The following MAP2K6 variants were observed in gnomAD, a reference collection of about 807,000 sequenced individuals.
MAP2K6 encodes the protein mitogen-activated protein kinase kinase 6.
A neutral mutation model predicts 53.7 loss-of-function variants in MAP2K6; 16 were observed. That is an observed-to-expected ratio of 0.30 (90% CI 0.20 to 0.45). The LOEUF (loss-of-function observed/expected upper bound fraction) is 0.45. MAP2K6 is among the 20% of genes least tolerant of loss of function. The pLI is 1.00. For synonymous variants in MAP2K6, 132 were observed against 143.1 expected, an observed-to-expected ratio of 0.92 and a Z score of 0.55; for missense variants, 204 against 411.9, an observed-to-expected ratio of 0.50 and a Z score of 4.37.
chr17:69,452,730 G>A (rs79215099), intron 1 of MAP2K6, among the ~76,000 whole-genome samples: 3,423 of 152,270 alleles, frequency 0.022, 129 homozygotes, highest in African/African-American at 0.079. Context: ...CAAAGAAATA[G>A]TAGAACTATG....
At position 69,452,669 on chromosome 17, in the gene MAP2K6, GA is replaced by G. The variant is rs558073818; in HGVS notation, c.16+37670del. ...AAAGCAAGCAAATAATAAGACAGAT[GA>G]GGGGCTCTTACAATAGCCTCTGTTT... is the stretch of plus-strand genomic sequence containing the variant. On this transcript the variant is annotated intron_variant, in intron 1 of 11. Coordinates refer to ENST00000590474, the MANE Select transcript of MAP2K6 (RefSeq NM_002758.4). 3.7e-3 allele frequency among the ~76,000 whole-genome samples: 560 copies of G among 152,284 alleles called. 4 individuals are homozygous for G. Among genetic ancestry groups the G allele is most frequent in the Middle Eastern group, 0.031 (9 of 294 alleles).
chr17:69,541,046 G>C (rs1053154127), intron 11 of MAP2K6, among the ~76,000 whole-genome samples: 1 of 152,116 alleles, frequency 6.6e-6, no homozygotes, highest in Admixed American at 6.5e-5. Flanking sequence ...GGCAGATCAC[G>C]AGGTCAGGAG....
At chr17:69,502,021 C>A in intron 1 of MAP2K6, 1 of 334,558 alleles carries the variant, frequency 3.0e-6, no homozygotes, top group Non-Finnish European at 4.2e-6. Context: ...TGGAAACTGA[C>A]CACATATTGT....
chr17:69,483,727 G>A (rs541276927), intron 1 of MAP2K6, among the ~76,000 whole-genome samples: 27 of 152,186 alleles, frequency 1.8e-4, no homozygotes, highest in East Asian at 1.9e-4. Flanking sequence ...TCAAGACAGC[G>A]TGATGCTGGA....
chr17:69,426,852 C>A (rs531618702), intron 1 of MAP2K6, among the ~76,000 whole-genome samples: 1 of 151,488 alleles, frequency 6.6e-6, no homozygotes, highest in Non-Finnish European at 1.5e-5. Flanking sequence ...GCTTAAGAGA[C>A]CTTACTTGTG....
intron 1 of MAP2K6, among the ~76,000 whole-genome samples, chr17:69,464,287 T>A (rs901890908): frequency 2.6e-5 from 4 of 151,932 alleles, no homozygotes; most frequent in African/African-American, 4.8e-5. Context: ...ATTACATAAT[T>A]TTCATGAAGA....
intron 1 of MAP2K6, among the ~76,000 whole-genome samples, chr17:69,424,060 A>C (rs1350109550): frequency 6.6e-6 from 1 of 152,176 alleles, no homozygotes; most frequent in African/African-American, 2.4e-5. Context: ...GCCTCCCTGC[A>C]TGGGACCAGA....
intron 1 of MAP2K6, among the ~76,000 whole-genome samples, chr17:69,449,489 CCTTTCTTTCTTTTTT>C (rs1191761654): frequency 8.3e-6 from 1 of 121,148 alleles, no homozygotes; most frequent in Non-Finnish European, 1.8e-5. Context: ...TGTTGGTTGT[CCTTTCTTTCTTTTTT>C]CTTTCTTTCT....
intron 1 of MAP2K6, among the ~76,000 whole-genome samples, chr17:69,478,577 C>T (rs551955617): frequency 4.6e-5 from 7 of 152,250 alleles, no homozygotes; most frequent in Admixed American, 3.3e-4. Context: ...GGATTGCAGG[C>T]GACTGCCACC....
At chr17:69,520,873 G>A (rs1308063195) in intron 6 of MAP2K6, 176 bp from the exon 7 acceptor site, 1 of 535,996 alleles carries the variant, frequency 1.9e-6, no homozygotes, top group Non-Finnish European at 3.3e-6. Context: ...GTCCTCTCTG[G>A]TGGATGGAGT....
chr17:69,491,770 TAGACTTTCAGACTGGTCTGAGA>T (rs1374635052), intron 1 of MAP2K6, among the ~76,000 whole-genome samples: 7 of 149,252 alleles, frequency 4.7e-5, no homozygotes, highest in South Asian at 2.1e-4. Context: ...TTTTGAATAA[TAGACTTTCAGACTGGTCTGAGA>T]TGTTATTTCA....
intron 4 of MAP2K6, among the ~76,000 whole-genome samples, 158 bp downstream of exon 4, chr17:69,517,771 G>A (rs1278412170): frequency 1.3e-5 from 2 of 152,198 alleles, no homozygotes; most frequent in Non-Finnish European, 2.9e-5. Context: ...CAAAGGTATG[G>A]AAAAGTCTTC....
chr17:69,469,686 C>G (rs1426309483), intron 1 of MAP2K6, among the ~76,000 whole-genome samples: 1 of 152,090 alleles, frequency 6.6e-6, no homozygotes, highest in Non-Finnish European at 1.5e-5. Flanking sequence ...TTGCTTGAAC[C>G]TGGGAAGCAG....
chr17:69,502,523 G>GT, intron 1 of MAP2K6: 1 of 985,418 alleles, frequency 1.0e-6, no homozygotes, highest in Non-Finnish European at 1.2e-6. Context: ...ACTAGGTTTT[G>GT]TGTCTCCTGG....
chr17:69,430,764 A>G (rs572014262), intron 1 of MAP2K6, among the ~76,000 whole-genome samples: 2 of 152,320 alleles, frequency 1.3e-5, no homozygotes, highest in African/African-American at 4.8e-5. Context: ...GAAACCAGCT[A>G]CTGGTTTTCT....
At chr17:69,519,729 T>C in intron 5 of MAP2K6, 1 of 306,274 alleles carries the variant, frequency 3.3e-6, no homozygotes, top group Non-Finnish European at 6.0e-6. Context: ...CTTAGATCTC[T>C]TATAATTTGA....
intron 1 of MAP2K6, among the ~76,000 whole-genome samples, chr17:69,457,266 C>T (rs1357587853): frequency 6.6e-6 from 1 of 152,184 alleles, no homozygotes; most frequent in Non-Finnish European, 1.5e-5. Flanking sequence ...TGAGGAAGGA[C>T]TCCCACGCCA....
chr17:69,475,727 CT>C (rs1164315636), intron 1 of MAP2K6, among the ~76,000 whole-genome samples: 25 of 152,284 alleles, frequency 1.6e-4, no homozygotes, highest in African/African-American at 5.8e-4. Flanking sequence ...CTCCAGGTAG[CT>C]CACCCTCCTC....
chr17:69,523,296 C>T (rs1018048030), intron 7 of MAP2K6, among the ~76,000 whole-genome samples: 8 of 152,158 alleles, frequency 5.3e-5, no homozygotes, highest in Non-Finnish European at 1.2e-4. Context: ...GAGAAATTCA[C>T]AATTCTACAA....
Sources: gnomAD v4.1 joint callset for allele counts (sites outside exome capture counted in the v4.1 genomes callset) on GRCh38, gnomAD v4.1.1 for gene constraint, MANE v1.5 for transcripts, NCBI Gene and HGNC (gene_info 2026-07-23, HGNC 2026-07-21) for gene names.